The following NOP2 variants were observed in gnomAD, a reference collection of about 807,000 sequenced individuals.
The protein encoded by NOP2 is 28S rRNA (cytosine(4447)-C(5))-methyltransferase.
NOP2 carries 7 observed loss-of-function variants against 72.7 expected under a neutral mutation model. The ratio of observed to expected loss-of-function variants is 0.10; its 90% CI spans 0.05 to 0.18. The LOEUF is 0.18. Among genes scored for constraint, NOP2 ranks in the 10% least tolerant of loss-of-function variants. NOP2 has a pLI of 1.00. For synonymous variants in NOP2, 387 were observed against 388.0 expected (o/e 1.00, Z 0.03); for missense variants, 954 against 1,014.7 (o/e 0.94, Z 0.81).
chr12:6,566,607 TC>T lies in NOP2; in HGVS notation c.159del (p.Arg54GlyfsTer73). 6.2e-7 allele frequency: 1 copy of T among 1,613,904 alleles called. No individual in the cohort carries two copies. Among genetic ancestry groups the T allele is most frequent in the Non-Finnish European group, 8.5e-7 (1 of 1,179,826 alleles). ...GGGGCTTCAACAGAGCCCAATCTCCTCTTGGCTGCCCTGAAAAGACACAAGA... is the reference window on the plus strand; with the variant it reads ...GGGGCTTCAACAGAGCCCAATCTCCTTTGGCTGCCCTGAAAAGACACAAGA... ...LSSRARKRAA[K>X]RRLGSVEAPK... On this transcript the variant is annotated frameshift_variant, in exon 4 of 16. Coordinates refer to ENST00000322166, the MANE Select transcript of NOP2 (RefSeq NM_001258308.2). LOFTEE classifies it high-confidence loss of function.
rs752672851 is a variant in NOP2, at chr12:6,567,831, T to G, written c.88A>C (p.Arg30=). 3 of 1,613,962 alleles carry G rather than the reference T, an allele frequency of 1.9e-6. No homozygotes were observed. In the Admixed American group the frequency reaches 5.0e-5, roughly 27 times the overall value. The part of the protein sequence containing the change: ...KQKGAETELV[R]FLPAVSDENS... Reference sequence around the variant, plus strand: ...TAATCCTTACCTGCAGGCAAGAATCTGACGAGTTCTGTCTCGGCACCCTTC... The same window carrying G: ...TAATCCTTACCTGCAGGCAAGAATCGGACGAGTTCTGTCTCGGCACCCTTC... The change falls in exon 2 of 16, where the codon AGA becomes CGA. Residue 30 remains arginine, a synonymous_variant. Transcript: ENST00000322166.
Position 6,563,635 on chromosome 12 carries a change from G to A in NOP2, c.667C>T (p.Pro223Ser). ...ATATCCTGCTCCATCTCCCCAGCAG[G>A]GGGCAGCACAAATGGTTCCTCATCC... ...NVDEEPFVLP[P>S]AGEMEQDAQA... is the part of the protein sequence containing the mutation. The change falls in exon 7 of 16, where the codon CCT (proline) becomes TCT (serine). Residue 223 changes from proline to serine, a missense_variant. Pro to Ser is a moderately conservative substitution (Grantham distance 74). This residue lies in a region of NOP2 where 498 missense variants were observed against 478.3 expected (regional missense o/e 1.04). Coordinates refer to ENST00000322166, the MANE Select transcript of NOP2 (RefSeq NM_001258308.2). 4 of 1,612,678 alleles carry A rather than the reference G, an allele frequency of 2.5e-6. No homozygotes were observed. The highest frequency in any genetic ancestry group is 2.5e-6 in the Non-Finnish European group (3 of 1,179,276).
chr12:6,566,602 T>A lies in NOP2; in HGVS notation c.165A>T (p.Arg55Ser). The A allele has an allele frequency of 6.2e-7, 1 of 1,613,876 alleles. No individual in the cohort carries two copies. Among genetic ancestry groups the A allele is most frequent in the Non-Finnish European group, 8.5e-7 (1 of 1,179,822 alleles). Residue 55 changes from arginine (R) to serine (S), a missense_variant, in exon 4 of 16, where the codon AGA (arginine) becomes AGT (serine). Arg to Ser is a moderately radical substitution (Grantham distance 110). This residue lies in a region of NOP2 where 498 missense variants were observed against 478.3 expected (regional missense o/e 1.04). Transcript: ENST00000322166. The stretch of plus-strand genomic sequence containing the variant: ...TCTTAGGGGCTTCAACAGAGCCCAA[T>A]CTCCTCTTGGCTGCCCTGAAAAGAC... ...SRARKRAAKR[R>S]LGSVEAPKTN...
chr12:6,562,096 C>A (rs997178338), intron 9 of NOP2, 125 bp from the exon 10 acceptor site: 1 of 712,310 alleles, frequency 1.4e-6, no homozygotes, highest in Non-Finnish European at 2.4e-6. Context: ...TCAAGCGATT[C>A]TCTCGTGCCT....
chr12:6,563,006 G>T, intron 9 of NOP2, 75 bp downstream of exon 9: 1 of 1,397,232 alleles, frequency 7.2e-7, no homozygotes, highest in Non-Finnish European at 9.9e-7. Context: ...AGTCAGGGTA[G>T]CACAGAGGAA....
chr12:6,566,698 T>C, intron 3 of NOP2, 79 bp downstream of exon 3: 3 of 1,583,926 alleles, frequency 1.9e-6, no homozygotes, highest in Non-Finnish European at 2.6e-6. Flanking sequence ...TAGGGAAATG[T>C]GAGAGTCTAG....
At chr12:6,562,543 C>CT (rs1048875226) in intron 9 of NOP2, among the ~76,000 whole-genome samples, 4 of 152,180 alleles carry the variant, frequency 2.6e-5, no homozygotes, top group Non-Finnish European at 4.4e-5. Context: ...CCTCCTGTTA[C>CT]TTTATTTCCT....
intron 11 of NOP2, 85 bp downstream of exon 11, chr12:6,561,579 C>G (rs1002876704): frequency 2.6e-6 from 4 of 1,544,440 alleles, no homozygotes; most frequent in African/African-American, 1.4e-5. Flanking sequence ...TCCATGAGCA[C>G]TAGTGAGTCA....
At chr12:6,564,287 A>AAC (rs1381205920) in intron 5 of NOP2, 5 of 259,832 alleles carry the variant, frequency 1.9e-5, no homozygotes, top group Admixed American at 5.1e-5. Context: ...AAAAAAAAAA[A>AAC]AAAAAACCTA....
intron 11 of NOP2, 149 bp downstream of exon 11, chr12:6,561,515 G>A: frequency 1.1e-6 from 1 of 944,844 alleles, no homozygotes; most frequent in East Asian, 2.7e-5. Context: ...CTGGAACCCA[G>A]GCCGACTCCA....
At chr12:6,565,547 C>T (rs1420160141) in intron 5 of NOP2, among the ~76,000 whole-genome samples, 2 of 151,966 alleles carry the variant, frequency 1.3e-5, no homozygotes, top group Non-Finnish European at 2.9e-5. Flanking sequence ...GCCATATTGT[C>T]CAGGCTGGTC....
chr12:6,567,649 A>G, intron 2 of NOP2, 167 bp downstream of exon 2: 1 of 582,014 alleles, frequency 1.7e-6, no homozygotes, highest in Non-Finnish European at 3.0e-6. Context: ...TCTACGACCT[A>G]AACAGTTCCC....
intron 5 of NOP2, among the ~76,000 whole-genome samples, chr12:6,565,410 G>A (rs1013571666): frequency 2.6e-5 from 4 of 151,590 alleles, no homozygotes; most frequent in Admixed American, 6.6e-5. Context: ...GCATGATCTC[G>A]GCTCACTGCC....
Position 6,566,635 on chromosome 12 carries a change from ATT to A in NOP2, c.150-20_150-19del. The A allele has an allele frequency of 6.2e-7, 1 of 1,612,328 alleles. No individual in the cohort carries two copies. Among genetic ancestry groups the A allele is most frequent in the Non-Finnish European group, 8.5e-7 (1 of 1,178,524 alleles). On this transcript the variant is annotated intron_variant, in intron 3 of 15. Transcript: ENST00000322166. The stretch of plus-strand genomic sequence containing the variant: ...TGGCTGCCCTGAAAAGACACAAGAG[ATT>A]CAAGGAGTGAAGAAATGGGAAGATA...
At position 6,560,633 on chromosome 12, in the gene NOP2, T is replaced by C; in HGVS notation, c.1438-64A>G. 5 of 1,609,382 alleles carry C rather than the reference T, an allele frequency of 3.1e-6. No individual in the cohort carries two copies. The South Asian group carries it at 4.4e-5, about 14-fold the overall frequency. On this transcript the variant is annotated intron_variant, in intron 13 of 15. Coordinates refer to ENST00000322166, the MANE Select transcript of NOP2 (RefSeq NM_001258308.2). This position sits in a 1 kb window ranked among gnomAD's most constrained non-coding sequence, Gnocchi z 5.0. ...GAGGGGAGCCCAGAGGGTGTCCCCATCTCAGTTTCCAGCTCTACGAGACCC... is the reference window on the plus strand; with the variant it reads ...GAGGGGAGCCCAGAGGGTGTCCCCACCTCAGTTTCCAGCTCTACGAGACCC...
At position 6,566,149 on chromosome 12, in the gene NOP2, A is replaced by G. The variant is rs777217668; in HGVS notation, c.426T>C (p.Asp142=). Residue 142 remains aspartate (D), a synonymous_variant, in exon 5 of 16, where the codon GAT becomes GAC. Transcript: ENST00000322166. ...CAGAGTTGGAGTCAGCTCCATAGTCATCTACCGTATCAGCATCGTCCTCGG... is the reference window on the plus strand; with the variant it reads ...CAGAGTTGGAGTCAGCTCCATAGTCGTCTACCGTATCAGCATCGTCCTCGG... ...WGSEDDADTV[D]DYGADSNSED... 55 of 1,613,862 alleles carry G rather than the reference A, an allele frequency of 3.4e-5. No individual in the cohort carries two copies. The highest frequency in any genetic ancestry group is 4.7e-5 in the Non-Finnish European group (55 of 1,179,880).
At chr12:6,566,079 T>A (rs1199866943) in intron 5 of NOP2, 22 bp downstream of exon 5, 2 of 1,577,276 alleles carry the variant, frequency 1.3e-6, no homozygotes, top group African/African-American at 2.7e-5. Flanking sequence ...CTTCTATGAA[T>A]GCCCAAAAAG....
chr12:6,567,920 G>C lies in NOP2; in HGVS notation c.-2C>G, dbSNP rs1320011171. ...CGTAGGGTCCAACTTGCGCCCCATG[G>C]TACTGTGGCAGGCAGAAATGGGAGA... On this transcript the variant is annotated splice_region_variant and 5_prime_UTR_variant, in exon 2 of 16. Transcript: ENST00000322166. 6 of 1,611,710 alleles carry C rather than the reference G, an allele frequency of 3.7e-6. No homozygotes were observed. The highest frequency in any genetic ancestry group is 5.1e-6 in the Non-Finnish European group (6 of 1,178,680).
chr12:6,560,765 A>G lies in NOP2; in HGVS notation c.1370T>C (p.Val457Ala). ...FPKVVGGFDR[V>A]LLDAPCSGTG... ...GCCACTGCAGGGAGCATCCAGCAGT[A>G]CTCGGTCAAAGCCCCCCACCACCTG... The change falls in exon 13 of 16, where the codon GTA (valine) becomes GCA (alanine). Residue 457 changes from valine to alanine, a missense_variant. Val to Ala is a moderately conservative substitution (Grantham distance 64). Coordinates refer to ENST00000322166, the MANE Select transcript of NOP2 (RefSeq NM_001258308.2). This position sits in a 1 kb window ranked among gnomAD's most constrained non-coding sequence, Gnocchi z 5.0. 1.2e-6 allele frequency: 2 copies of G among 1,613,388 alleles called. No individual in the cohort carries two copies. The highest frequency in any genetic ancestry group is 1.7e-6 in the Non-Finnish European group (2 of 1,179,644).
Sources: allele counts gnomAD v4.1 joint callset (sites outside exome capture counted in the v4.1 genomes callset), GRCh38; gene constraint gnomAD v4.1.1; regional missense constraint gnomAD v4.1.1; non-coding constraint Gnocchi (gnomAD v3.1); transcripts MANE v1.5; gene names NCBI Gene and HGNC (gene_info 2026-07-23, HGNC 2026-07-21).